The following ALS2 variants were observed in gnomAD, a reference collection of about 807,000 sequenced individuals.
ALS2 encodes alsin Rho guanine nucleotide exchange factor ALS2.
ALS2 carries 117 observed loss-of-function variants against 203.4 expected under a neutral mutation model. The ratio of observed to expected loss-of-function variants is 0.58; its 90% CI spans 0.50 to 0.67. ALS2 has a LOEUF of 0.67. ALS2 is among the 30% of genes least tolerant of loss of function. The pLI is 0.00. For missense variants in ALS2, 1,715 were observed against 1,989.4 expected (o/e 0.86, Z 2.62); for synonymous variants, 718 against 725.9 (o/e 0.99, Z 0.17).
rs1447333497 is a variant in ALS2, at chr2:201,753,217, G to C, written c.1666C>G (p.Leu556Val). 6.2e-7 allele frequency: 1 copy of C among 1,614,100 alleles called. No individual in the cohort carries two copies. The highest frequency in any genetic ancestry group is 1.7e-5 in the Admixed American group (1 of 60,006). ...AGATGGATTACTTCTTTGCCATCCA[G>C]ACATTTTACACACAACGGTTGAAGC... is the stretch of plus-strand genomic sequence containing the variant. The part of the protein sequence containing the change: ...PRLQPLCVKC[L>V]DGKEVIHLEA... The change falls in exon 7 of 34, where the codon CTG becomes GTG. Residue 556 changes from leucine (L) to valine (V), a missense_variant. This residue lies in a region of ALS2 where 1,227 missense variants were observed against 1,413.5 expected (regional missense o/e 0.87). Coordinates refer to ENST00000264276, the MANE Select transcript of ALS2 (RefSeq NM_020919.4).
At position 201,744,297 on chromosome 2, in the gene ALS2, C is replaced by T. The variant is rs1447145141; in HGVS notation, c.2131G>A (p.Asp711Asn). 1.3e-5 allele frequency: 21 copies of T among 1,614,096 alleles called. No individual in the cohort carries two copies. Among genetic ancestry groups the T allele is most frequent in the Non-Finnish European group, 1.7e-5 (20 of 1,180,014 alleles). The change falls in exon 10 of 34, where the codon GAT (aspartate) becomes AAT (asparagine). Residue 711 changes from aspartate (D) to asparagine (N), a missense_variant. Asp to Asn is a conservative substitution (Grantham distance 23, BLOSUM62 1). Around this residue, in one of 3 missense-constraint regions of ALS2, gnomAD observed 1,227 missense variants for 1,413.5 expected, o/e 0.87. Coordinates refer to ENST00000264276, the MANE Select transcript of ALS2 (RefSeq NM_020919.4). ...GGCCTGAGAATCTGAGATTTGATATCACTTAGTTTTGAATAGAATCGTCTT... is the reference window on the plus strand; with the variant it reads ...GGCCTGAGAATCTGAGATTTGATATTACTTAGTTTTGAATAGAATCGTCTT... ...TERRFYSKLS[D>N]IKSQILRPLL...
intron 8 of ALS2, 61 bp downstream of exon 8, chr2:201,749,651 A>G (rs1270879980): frequency 3.7e-6 from 5 of 1,336,158 alleles, no homozygotes; most frequent in East Asian, 2.3e-5. Flanking sequence ...AGAAATGGAG[A>G]AGTATAAGGT....
intron 14 of ALS2, 113 bp downstream of exon 14, chr2:201,728,939 G>A (rs1691366368): frequency 6.6e-7 from 1 of 1,507,228 alleles, no homozygotes; most frequent in South Asian, 1.1e-5. Context: ...TTAGGAAAGG[G>A]GTCATTAAAA....
chr2:201,723,348 A>G lies in ALS2; in HGVS notation c.3606T>C (p.Phe1202=). The change falls in exon 22 of 34, where the codon TTT becomes TTC. Residue 1202 remains phenylalanine (F), a synonymous_variant. Coordinates refer to ENST00000264276, the MANE Select transcript of ALS2 (RefSeq NM_020919.4). The part of the protein sequence containing the change: ...TQFGLYYEGN[F]HLNKMMGNGV... Reference sequence around the variant, plus strand: ...CACTCACCATCATTTTATTAAGGTGAAAGTTGCCCTCGTAGTATAATCCAA... The same window carrying G: ...CACTCACCATCATTTTATTAAGGTGGAAGTTGCCCTCGTAGTATAATCCAA... 2 of 1,612,144 alleles carry G rather than the reference A, an allele frequency of 1.2e-6. No individual in the cohort carries two copies. The highest frequency in any genetic ancestry group is 1.7e-6 in the Non-Finnish European group (2 of 1,178,160).
At chr2:201,775,817 C>T (rs1301577531) in intron 1 of ALS2, among the ~76,000 whole-genome samples, 1 of 152,142 alleles carries the variant, frequency 6.6e-6, no homozygotes, top group Non-Finnish European at 1.5e-5. Flanking sequence ...GTAGGCTGGC[C>T]TAGAAAGCTA....
chr2:201,736,105 TA>T (rs1358551770), intron 12 of ALS2, among the ~76,000 whole-genome samples: 2 of 152,018 alleles, frequency 1.3e-5, no homozygotes, highest in African/African-American at 4.8e-5. Flanking sequence ...ATTACAAATG[TA>T]AACTTGTCAA....
At chr2:201,743,898 T>C (rs1385655482) in intron 10 of ALS2, among the ~76,000 whole-genome samples, 2 of 152,208 alleles carry the variant, frequency 1.3e-5, no homozygotes, top group Admixed American at 1.3e-4. Flanking sequence ...ATTCAGATAG[T>C]ATACTGGAAG....
chr2:201,731,640 C>A (rs1010138674), intron 13 of ALS2, among the ~76,000 whole-genome samples: 1 of 152,076 alleles, frequency 6.6e-6, no homozygotes, highest in Non-Finnish European at 1.5e-5. Flanking sequence ...TGTGTACACA[C>A]ATATATGACG....
At chr2:201,706,756 T>A (rs1689742495) in intron 29 of ALS2, 90 bp downstream of exon 29, 2 of 1,314,878 alleles carry the variant, frequency 1.5e-6, no homozygotes, top group Non-Finnish European at 2.2e-6. Flanking sequence ...GCCATATATA[T>A]AATTAGATAT....
In ALS2 at chr2:201,756,620, T is replaced by G. The variant is rs964533086; in HGVS notation, c.1471+782A>C. ...TCATTCATTACATATTGTCTCTGGC[T>G]GCTTTTACATAACCACAGCGTAGCT... is the stretch of plus-strand genomic sequence containing the variant. On this transcript the variant is annotated intron_variant, in intron 5 of 33. Coordinates refer to ENST00000264276, the MANE Select transcript of ALS2 (RefSeq NM_020919.4). Among the ~76,000 whole-genome samples, 6 of 152,264 alleles carry G rather than the reference T, an allele frequency of 3.9e-5. 1 individual carries two copies. Among genetic ancestry groups the G allele is most frequent in the Admixed American group, 1.3e-4 (2 of 15,284 alleles).
rs1381774935 is a variant in ALS2, at chr2:201,767,436, C to T, written c.21-53G>A. 16 of 1,581,892 alleles carry T rather than the reference C, an allele frequency of 1.0e-5. No individual in the cohort carries two copies. In the Admixed American group the frequency reaches 2.7e-4, roughly 27 times the overall value. On this transcript the variant is annotated intron_variant, in intron 2 of 33. Transcript: ENST00000264276. ...TGTTTCTACAATTCAGAACAGTATCCTTTGTTCTTAATACTTTTCATGATT... is the reference window on the plus strand; with the variant it reads ...TGTTTCTACAATTCAGAACAGTATCTTTTGTTCTTAATACTTTTCATGATT...
rs1450380572 is a variant in ALS2, at chr2:201,746,746, T to C, written c.1818A>G (p.Ile606Met). Reference protein sequence around the residue: ...FPTTVPRLAKISSENGVWSIA... With the variant: ...FPTTVPRLAKMSSENGVWSIA... ...TGCTCCAGACTCCATTTTCACTGCTTATCTGCAACGACAGAAAGATAGTGT... is the reference window on the plus strand; with the variant it reads ...TGCTCCAGACTCCATTTTCACTGCTCATCTGCAACGACAGAAAGATAGTGT... The change falls in exon 9 of 34, where the codon ATA becomes ATG. Residue 606 changes from isoleucine to methionine, a missense_variant and splice_region_variant. By Grantham distance (10) the Ile-to-Met change is conservative. Around this residue, in one of 3 missense-constraint regions of ALS2, gnomAD observed 1,227 missense variants for 1,413.5 expected, o/e 0.87. Transcript: ENST00000264276. The C allele has an allele frequency of 4.3e-6, 7 of 1,614,134 alleles. No homozygotes were observed. Among genetic ancestry groups the C allele is most frequent in the Non-Finnish European group, 5.9e-6 (7 of 1,180,022 alleles).
In ALS2 at chr2:201,770,209, T is replaced by C. The variant is rs900382081; in HGVS notation, c.-60-1264A>G. 8.5e-5 allele frequency among the ~76,000 whole-genome samples: 13 copies of C among 152,198 alleles called. No individual in the cohort carries two copies. In the East Asian group the frequency reaches 2.1e-3, roughly 25 times the overall value. ...TACGCCCTTGATTAAATTTCAACAATAGGTAGCGGAAGCCAGAGAATTATT... is the reference window on the plus strand; with the variant it reads ...TACGCCCTTGATTAAATTTCAACAACAGGTAGCGGAAGCCAGAGAATTATT... On this transcript the variant is annotated intron_variant, in intron 1 of 33. Transcript: ENST00000264276.
intron 5 of ALS2, 113 bp from the exon 6 acceptor site, chr2:201,754,784 A>C: frequency 8.4e-7 from 1 of 1,189,718 alleles, no homozygotes; most frequent in Non-Finnish European, 1.2e-6. Context: ...GGTATTTTTG[A>C]AGCATATTCT....
chr2:201,753,078 A>G (rs1693162838), intron 7 of ALS2, 68 bp downstream of exon 7: 2 of 1,209,768 alleles, frequency 1.7e-6, no homozygotes, highest in African/African-American at 1.5e-5. Flanking sequence ...TCAACAAATG[A>G]GGGTCCAACA....
intron 1 of ALS2, among the ~76,000 whole-genome samples, chr2:201,772,134 A>C (rs1266085640): frequency 1.3e-5 from 2 of 152,260 alleles, no homozygotes; most frequent in Non-Finnish European, 2.9e-5. Flanking sequence ...CCCTTTAAAC[A>C]AAGAGCAAAC....
intron 23 of ALS2, among the ~76,000 whole-genome samples, chr2:201,719,365 C>T (rs1275686681): frequency 6.6e-6 from 1 of 152,082 alleles, no homozygotes; most frequent in African/African-American, 2.4e-5. Flanking sequence ...CCAAGGTGGG[C>T]AGATCATGAG....
intron 25 of ALS2, among the ~76,000 whole-genome samples, chr2:201,711,349 A>G (rs1255170712): frequency 6.6e-6 from 1 of 152,248 alleles, no homozygotes; most frequent in Non-Finnish European, 1.5e-5. Context: ...TCTACAATAA[A>G]GATTCATTCT....
chr2:201,736,026 T>C (rs963370388), intron 12 of ALS2, among the ~76,000 whole-genome samples: 2 of 152,160 alleles, frequency 1.3e-5, no homozygotes, highest in Non-Finnish European at 2.9e-5. Context: ...TTCACCAACA[T>C]TATAGGTTAA....
Sources: gnomAD v4.1 joint callset for allele counts (sites outside exome capture counted in the v4.1 genomes callset) on GRCh38, gnomAD v4.1.1 for gene constraint, gnomAD v4.1.1 regional missense constraint, MANE v1.5 for transcripts, NCBI Gene and HGNC (gene_info 2026-07-23, HGNC 2026-07-21) for gene names.